Variants in IMMP2L observed in about 807,000 individuals in gnomAD.
IMMP2L encodes mitochondrial inner membrane protease subunit 2.
A neutral mutation model predicts 19.3 loss-of-function variants in IMMP2L; 18 were observed. The observed-to-expected ratio is 0.93, with a 90% confidence interval of 0.64 to 1.38. IMMP2L has a LOEUF of 1.38. Among genes scored for constraint, IMMP2L ranks in the 40% most tolerant of loss-of-function variants. The pLI is 0.00. For synonymous variants in IMMP2L, 76 were observed against 73.0 expected (o/e 1.04, Z -0.21); for missense variants, 233 against 218.2 (o/e 1.07, Z -0.43).
At chr7:110,855,692 T>G (rs1002425828) in intron 5 of IMMP2L, among the ~76,000 whole-genome samples, 5 of 152,024 alleles carry the variant, frequency 3.3e-5, no homozygotes, top group African/African-American at 1.2e-4. Context: ...CCAATCCAAA[T>G]TTATCCCTTC....
intron 5 of IMMP2L, chr7:110,724,723 T>C (rs1795782646): frequency 6.6e-6 from 1 of 152,122 alleles, no homozygotes; most frequent in South Asian, 2.1e-4. Flanking sequence ...TTTTTATAAA[T>C]ATGGTTCTTA....
intron 3 of IMMP2L, among the ~76,000 whole-genome samples, chr7:111,286,488 G>A (rs529686449): frequency 6.6e-6 from 1 of 152,220 alleles, no homozygotes; most frequent in East Asian, 1.9e-4. Context: ...CTACGATGAT[G>A]TGGCTTGAAT....
At chr7:111,040,023 G>A (rs1036538771) in intron 3 of IMMP2L, among the ~76,000 whole-genome samples, 3 of 152,148 alleles carry the variant, frequency 2.0e-5, no homozygotes, top group Non-Finnish European at 4.4e-5. Flanking sequence ...AAATTAGCTG[G>A]GCGTGGTGGC....
intron 3 of IMMP2L, among the ~76,000 whole-genome samples, chr7:111,193,533 T>C (rs1800029997): frequency 6.6e-6 from 1 of 152,108 alleles, no homozygotes; most frequent in African/African-American, 2.4e-5. Context: ...GAAAATATAG[T>C]TCTTATTTTC....
At chr7:111,239,307 A>C (rs1280917775) in intron 3 of IMMP2L, among the ~76,000 whole-genome samples, 1 of 151,888 alleles carries the variant, frequency 6.6e-6, no homozygotes, top group Non-Finnish European at 1.5e-5. Flanking sequence ...ATCAAGCCTC[A>C]AAAGCCAGCA....
At chr7:110,945,030 C>A (rs1009037119) in intron 4 of IMMP2L, among the ~76,000 whole-genome samples, 1 of 151,704 alleles carries the variant, frequency 6.6e-6, no homozygotes, top group Non-Finnish European at 1.5e-5. Flanking sequence ...ATTCGCCAGG[C>A]AAAAACAAAA....
chr7:110,990,564 A>C (rs1822351079), intron 3 of IMMP2L, among the ~76,000 whole-genome samples: 1 of 152,192 alleles, frequency 6.6e-6, no homozygotes, highest in Non-Finnish European at 1.5e-5. Context: ...TTGTAGAAAT[A>C]TCATAGGCAC....
At chr7:111,023,839 G>T (rs1301122317) in intron 3 of IMMP2L, among the ~76,000 whole-genome samples, 3 of 152,188 alleles carry the variant, frequency 2.0e-5, no homozygotes, top group Non-Finnish European at 4.4e-5. Context: ...AATCACATAT[G>T]CATTGCTATG....
intron 3 of IMMP2L, among the ~76,000 whole-genome samples, chr7:111,430,010 T>A (rs1836469890): frequency 6.6e-6 from 1 of 151,910 alleles, no homozygotes; most frequent in Non-Finnish European, 1.5e-5. Flanking sequence ...AGAATGATCA[T>A]AATGTAGTTT....
At chr7:110,962,535 A>G (rs1367137493) in intron 4 of IMMP2L, 1 of 162,952 alleles carries the variant, frequency 6.1e-6, no homozygotes, top group East Asian at 1.9e-4. Flanking sequence ...AATCAACTCC[A>G]ATATTACATA....
intron 5 of IMMP2L, among the ~76,000 whole-genome samples, chr7:110,730,027 G>A (rs1796152056): frequency 6.6e-6 from 1 of 151,878 alleles, no homozygotes; most frequent in Admixed American, 6.6e-5. Flanking sequence ...AAATCAAAGA[G>A]GTTGGCTTTT....
intron 3 of IMMP2L, among the ~76,000 whole-genome samples, chr7:111,314,425 T>C (rs1442071635): frequency 6.6e-6 from 1 of 152,158 alleles, no homozygotes; most frequent in Non-Finnish European, 1.5e-5. Flanking sequence ...AGTATGATTC[T>C]ATTAATATAT....
At chr7:110,819,363 T>C (rs529942235) in intron 5 of IMMP2L, among the ~76,000 whole-genome samples, 2 of 152,160 alleles carry the variant, frequency 1.3e-5, no homozygotes, top group Non-Finnish European at 2.9e-5. Flanking sequence ...AGTTTCTATA[T>C]GATATGAACT....
intron 3 of IMMP2L, among the ~76,000 whole-genome samples, chr7:111,090,547 A>C: frequency 6.6e-6 from 1 of 152,134 alleles, no homozygotes; most frequent in Admixed American, 6.5e-5. Context: ...TGTGAATTAC[A>C]GAGAGGCAAA....
intron 5 of IMMP2L, among the ~76,000 whole-genome samples, chr7:110,794,451 C>T (rs939453487): frequency 6.6e-6 from 1 of 152,052 alleles, no homozygotes; most frequent in Non-Finnish European, 1.5e-5. Context: ...ATACACAAAA[C>T]TACGGAGACA....
chr7:111,469,632 C>T (rs1585232500), intron 3 of IMMP2L, among the ~76,000 whole-genome samples: 1 of 152,020 alleles, frequency 6.6e-6, no homozygotes, highest in South Asian at 2.1e-4. Flanking sequence ...GAAAGGATTC[C>T]TTATTTAATA....
intron 3 of IMMP2L, among the ~76,000 whole-genome samples, chr7:110,986,055 A>T (rs941961919): frequency 6.6e-6 from 1 of 152,154 alleles, no homozygotes; most frequent in Admixed American, 6.6e-5. Flanking sequence ...AAATTAGCTT[A>T]TTAGTTTATT....
intron 4 of IMMP2L, among the ~76,000 whole-genome samples, chr7:110,896,174 T>C (rs565017854): frequency 6.6e-6 from 1 of 152,204 alleles, no homozygotes; most frequent in East Asian, 1.9e-4. Flanking sequence ...GCCAACCTAG[T>C]AAAATAGTAA....
At chr7:111,319,298 CA>C (rs1824432169) in intron 3 of IMMP2L, among the ~76,000 whole-genome samples, 1 of 152,118 alleles carries the variant, frequency 6.6e-6, no homozygotes. Context: ...TTAAAGTCCT[CA>C]TAAGCACTAA....
Sources: gnomAD v4.1 joint callset for allele counts (sites outside exome capture counted in the v4.1 genomes callset) on GRCh38, gnomAD v4.1.1 for gene constraint, MANE v1.5 for transcripts, NCBI Gene and HGNC (gene_info 2026-07-23, HGNC 2026-07-21) for gene names.